PXDNL: variants seen among roughly 807,000 people sequenced by gnomAD.
PXDNL encodes the protein peroxidasin like.
In PXDNL, 145 loss-of-function variants were observed where a neutral mutation model predicts 150.8. The ratio of observed to expected loss-of-function variants is 0.96; its 90% CI spans 0.84 to 1.10. The LOEUF (loss-of-function observed/expected upper bound fraction) is 1.10, where lower values mean the gene tolerates loss of function less well. Among genes scored for constraint, PXDNL ranks in the 50% least tolerant of loss-of-function variants. The pLI is 0.00. For missense variants in PXDNL, 2,087 were observed against 1,873.9 expected, an observed-to-expected ratio of 1.11 and a Z score of -2.10; for synonymous variants, 757 against 725.7, an observed-to-expected ratio of 1.04 and a Z score of -0.69.
chr8:51,669,814 A>AT (rs1815463421), intron 1 of PXDNL, among the ~76,000 whole-genome samples: 1 of 152,222 alleles, frequency 6.6e-6, no homozygotes, highest in Admixed American at 6.5e-5. Flanking sequence ...CATTTATAAA[A>AT]TTGTACTTTT....
At chr8:51,552,294 A>C (rs1812506426) in intron 4 of PXDNL, among the ~76,000 whole-genome samples, 1 of 151,668 alleles carries the variant, frequency 6.6e-6, no homozygotes, top group South Asian at 2.1e-4. Context: ...AACTAAAAGT[A>C]GAACTACCAT....
chr8:51,547,783 G>A (rs143992345), intron 4 of PXDNL, among the ~76,000 whole-genome samples: 176 of 152,170 alleles, frequency 1.2e-3, no homozygotes, highest in African/African-American at 3.3e-3. Context: ...ACAAAACACC[G>A]TTCTACAACA....
chr8:51,751,414 T>C (rs774655816), intron 1 of PXDNL, among the ~76,000 whole-genome samples: 2 of 152,218 alleles, frequency 1.3e-5, no homozygotes, highest in Non-Finnish European at 2.9e-5. Context: ...TCTAAAATTT[T>C]ACCACCACTT....
intron 1 of PXDNL, among the ~76,000 whole-genome samples, chr8:51,668,373 C>A (rs1339991722): frequency 6.6e-6 from 1 of 151,840 alleles, no homozygotes; most frequent in Non-Finnish European, 1.5e-5. Context: ...TGGTGTTTCA[C>A]CATGCTGGCC....
intron 1 of PXDNL, among the ~76,000 whole-genome samples, chr8:51,732,110 T>G (rs1220057457): frequency 6.6e-6 from 1 of 152,236 alleles, no homozygotes; most frequent in Non-Finnish European, 1.5e-5. Context: ...ACTTTTATGT[T>G]GTACTTCCCT....
intron 1 of PXDNL, among the ~76,000 whole-genome samples, chr8:51,754,226 C>T (rs2037074710): frequency 6.6e-6 from 1 of 152,156 alleles, no homozygotes; most frequent in African/African-American, 2.4e-5. Flanking sequence ...TTTATTCATA[C>T]TAATCTCTTA....
intron 14 of PXDNL, among the ~76,000 whole-genome samples, chr8:51,421,663 C>A (rs1190847892): frequency 6.6e-6 from 1 of 152,142 alleles, no homozygotes; most frequent in African/African-American, 2.4e-5. Flanking sequence ...TGTGCCCCTG[C>A]ACTCCAGCCT....
chr8:51,432,364 T>C (rs1053005401), intron 12 of PXDNL, among the ~76,000 whole-genome samples: 3 of 152,236 alleles, frequency 2.0e-5, no homozygotes, highest in Non-Finnish European at 4.4e-5. Context: ...ATCTTGCTAT[T>C]TGGATGATCT....
chr8:51,457,379 T>G, intron 9 of PXDNL, 119 bp downstream of exon 9: 1 of 843,992 alleles, frequency 1.2e-6, no homozygotes, highest in Non-Finnish European at 1.7e-6. Context: ...AAAACAAAAT[T>G]TAAAAAATCA....
intron 20 of PXDNL, among the ~76,000 whole-genome samples, chr8:51,341,579 A>G (rs1805985238): frequency 1.3e-5 from 2 of 152,260 alleles, no homozygotes; most frequent in South Asian, 4.1e-4. Context: ...TGTCTTGCAT[A>G]AGTAAAACTC....
intron 1 of PXDNL, among the ~76,000 whole-genome samples, chr8:51,661,104 C>G (rs78187103): frequency 0.018 from 2,713 of 152,266 alleles, 79 homozygotes; most frequent in African/African-American, 0.063. Context: ...ATTTGACAGC[C>G]CTGTCATTGT....
At chr8:51,578,042 G>GA (rs1813122500) in intron 3 of PXDNL, among the ~76,000 whole-genome samples, 1 of 122,232 alleles carries the variant, frequency 8.2e-6, no homozygotes, top group African/African-American at 3.9e-5. Flanking sequence ...AGGAAGGAAG[G>GA]AAGGAAGGAA....
intron 4 of PXDNL, among the ~76,000 whole-genome samples, chr8:51,537,101 C>T (rs914058798): frequency 6.6e-6 from 1 of 152,174 alleles, no homozygotes; most frequent in African/African-American, 2.4e-5. Context: ...CGGATAGTAT[C>T]TCTAGGACAT....
At chr8:51,371,414 A>C (rs1807109825) in intron 19 of PXDNL, among the ~76,000 whole-genome samples, 1 of 152,194 alleles carries the variant, frequency 6.6e-6, no homozygotes, top group African/African-American at 2.4e-5. Flanking sequence ...TCATTAGGGA[A>C]AGTTTTTCCT....
chr8:51,321,314 A>G (rs903098504), intron 21 of PXDNL, among the ~76,000 whole-genome samples: 33 of 152,344 alleles, frequency 2.2e-4, no homozygotes, highest in South Asian at 6.2e-4. Context: ...ATTAAGTTTC[A>G]AAGATGAAAG....
intron 3 of PXDNL, among the ~76,000 whole-genome samples, chr8:51,570,989 T>G (rs1296213462): frequency 6.6e-6 from 1 of 151,832 alleles, no homozygotes; most frequent in Non-Finnish European, 1.5e-5. Context: ...AAAACTATGT[T>G]CTGCATTATT....
intron 8 of PXDNL, among the ~76,000 whole-genome samples, chr8:51,463,376 C>A (rs1273610629): frequency 6.6e-6 from 1 of 152,150 alleles, no homozygotes; most frequent in Middle Eastern, 3.2e-3. Context: ...CTGTCTTCAA[C>A]AGACTCATCT....
At chr8:51,490,061 T>C (rs1810854450) in intron 5 of PXDNL, among the ~76,000 whole-genome samples, 1 of 152,172 alleles carries the variant, frequency 6.6e-6, no homozygotes, top group Non-Finnish European at 1.5e-5. Flanking sequence ...TTATATAATT[T>C]GATTGTATAA....
chr8:51,493,310 G>A (rs906209714), intron 5 of PXDNL, among the ~76,000 whole-genome samples: 2 of 140,108 alleles, frequency 1.4e-5, no homozygotes, highest in Non-Finnish European at 3.0e-5. Context: ...ACCAAAAGTA[G>A]ATAAAACCAC....
Sources: gnomAD v4.1 joint callset for allele counts (sites outside exome capture counted in the v4.1 genomes callset) on GRCh38, gnomAD v4.1.1 for gene constraint, MANE v1.5 for transcripts, NCBI Gene and HGNC (gene_info 2026-07-23, HGNC 2026-07-21) for gene names.